The following SLC10A7 variants were observed in gnomAD, a reference collection of about 807,000 sequenced individuals.
The protein encoded by SLC10A7 is solute carrier family 10 member 7.
Under a neutral mutation model 43.2 loss-of-function variants are expected in SLC10A7, and 29 were observed. The ratio of observed to expected loss-of-function variants is 0.67; its 90% CI spans 0.50 to 0.92. SLC10A7 has a LOEUF of 0.92. SLC10A7 is among the 40% of genes least tolerant of loss of function. The probability of loss-of-function intolerance (pLI) is 0.00; values close to 1 mark genes in which losing one functional copy is unlikely to be tolerated. For synonymous variants in SLC10A7, 152 were observed against 144.8 expected (o/e 1.05, Z -0.35); for missense variants, 295 against 403.2 (o/e 0.73, Z 2.30).
chr4:146,379,049 G>A (rs1393153102), intron 5 of SLC10A7, among the ~76,000 whole-genome samples: 1 of 152,144 alleles, frequency 6.6e-6, no homozygotes, highest in East Asian at 1.9e-4. Flanking sequence ...CAATTAAAAG[G>A]CTTTGACCCA....
At chr4:146,305,735 A>G (rs537167620) in intron 7 of SLC10A7, among the ~76,000 whole-genome samples, 191 bp downstream of exon 7, 96 of 152,224 alleles carry the variant, frequency 6.3e-4, no homozygotes, top group African/African-American at 2.3e-3. Context: ...AGCTAACTGC[A>G]AAGCAGATTA....
intron 4 of SLC10A7, among the ~76,000 whole-genome samples, chr4:146,456,482 C>G (rs1475440130): frequency 1.3e-5 from 2 of 151,974 alleles, no homozygotes; most frequent in South Asian, 2.1e-4. Context: ...GCTATCCACA[C>G]TTTTGACCAA....
intron 7 of SLC10A7, among the ~76,000 whole-genome samples, chr4:146,305,161 A>G (rs1344668892): frequency 1.2e-4 from 18 of 150,580 alleles, no homozygotes; most frequent in Admixed American, 7.3e-4. Context: ...AATAGCAAAG[A>G]CTTGGAACCA....
intron 5 of SLC10A7, among the ~76,000 whole-genome samples, chr4:146,341,773 T>C (rs1470880868): frequency 5.9e-5 from 9 of 151,854 alleles, no homozygotes. Context: ...ATGAGATGGA[T>C]GCTAACCTTA....
chr4:146,388,630 G>A (rs1055042807), intron 5 of SLC10A7, among the ~76,000 whole-genome samples: 1 of 151,818 alleles, frequency 6.6e-6, no homozygotes, highest in Admixed American at 6.6e-5. Context: ...GTGGTGGTGC[G>A]CGCCTGTAGT....
chr4:146,300,903 T>C (rs1006605819), intron 7 of SLC10A7, among the ~76,000 whole-genome samples: 9 of 152,190 alleles, frequency 5.9e-5, no homozygotes, highest in African/African-American at 1.9e-4. Context: ...GGAAAATTAC[T>C]GCTGGGCGCT....
chr4:146,300,018 C>T (rs1175417708), intron 7 of SLC10A7, among the ~76,000 whole-genome samples: 1 of 152,016 alleles, frequency 6.6e-6, no homozygotes, highest in Non-Finnish European at 1.5e-5. Flanking sequence ...AGGGTTGGGG[C>T]TTTTTGAGCA....
intron 5 of SLC10A7, among the ~76,000 whole-genome samples, chr4:146,391,807 C>T (rs188116824): frequency 3.3e-5 from 5 of 152,166 alleles, no homozygotes. Flanking sequence ...AATTCATTCT[C>T]CCTCTATCTT....
At position 146,436,388 on chromosome 4, in the gene SLC10A7, T is replaced by C. The variant is rs116278816; in HGVS notation, c.435+6395A>G. ...TTCTTGATTGGAGCATTATACCATATTTTTAACTCTGCAAATATGTTTGTC... is the reference window on the plus strand; with the variant it reads ...TTCTTGATTGGAGCATTATACCATACTTTTAACTCTGCAAATATGTTTGTC... On this transcript the variant is annotated intron_variant, in intron 5 of 11. Transcript: ENST00000335472. 6.9e-3 allele frequency among the ~76,000 whole-genome samples: 1,044 copies of C among 152,254 alleles called. 10 individuals carry two copies. The highest frequency in any genetic ancestry group is 0.024 in the African/African-American group (997 of 41,560).
chr4:146,379,200 A>T (rs1207437616), intron 5 of SLC10A7, among the ~76,000 whole-genome samples: 1 of 152,204 alleles, frequency 6.6e-6, no homozygotes, highest in Non-Finnish European at 1.5e-5. Context: ...ATTTAGACAT[A>T]TGCTGGTCCA....
intron 10 of SLC10A7, among the ~76,000 whole-genome samples, chr4:146,266,343 T>C (rs1480043298): frequency 6.6e-6 from 1 of 152,050 alleles, no homozygotes; most frequent in Admixed American, 6.6e-5. Flanking sequence ...AAATTGCTAT[T>C]GAGGAACACA....
At chr4:146,372,094 TC>T (rs1195079029) in intron 5 of SLC10A7, among the ~76,000 whole-genome samples, 3 of 152,154 alleles carry the variant, frequency 2.0e-5, no homozygotes, top group East Asian at 1.9e-4. Flanking sequence ...AATCAGGACT[TC>T]CTGGGCCTAA....
chr4:146,421,868 T>C (rs544070763), intron 5 of SLC10A7, among the ~76,000 whole-genome samples: 50 of 152,342 alleles, frequency 3.3e-4, no homozygotes, highest in African/African-American at 1.2e-3. Flanking sequence ...CAGCATCCTT[T>C]CCTGATCACT....
chr4:146,512,461 A>C (rs190255614), intron 2 of SLC10A7, among the ~76,000 whole-genome samples: 3 of 152,372 alleles, frequency 2.0e-5, no homozygotes, highest in African/African-American at 7.2e-5. Flanking sequence ...AGTGTTATCT[A>C]TTCGAGCAAA....
intron 4 of SLC10A7, among the ~76,000 whole-genome samples, chr4:146,481,573 G>C (rs1242525642): frequency 1.3e-5 from 2 of 152,184 alleles, no homozygotes; most frequent in East Asian, 3.9e-4. Flanking sequence ...CTGAGCCTCT[G>C]GAGCACCCCT....
intron 5 of SLC10A7, among the ~76,000 whole-genome samples, chr4:146,351,700 T>C (rs1315393227): frequency 6.6e-6 from 1 of 150,958 alleles, no homozygotes; most frequent in Non-Finnish European, 1.5e-5. Flanking sequence ...GCAGAAACCC[T>C]ACAAGCCAGA....
intron 4 of SLC10A7, among the ~76,000 whole-genome samples, chr4:146,474,730 C>T (rs1243200796): frequency 6.6e-6 from 1 of 151,444 alleles, no homozygotes; most frequent in Non-Finnish European, 1.5e-5. Flanking sequence ...ATAAAATTTA[C>T]AAAAGTAAAG....
At chr4:146,467,090 T>C (rs1198642366) in intron 4 of SLC10A7, among the ~76,000 whole-genome samples, 1 of 152,144 alleles carries the variant, frequency 6.6e-6, no homozygotes, top group Non-Finnish European at 1.5e-5. Flanking sequence ...AAAGCCGGAA[T>C]TACTTGGCAT....
At position 146,491,187 on chromosome 4, in the gene SLC10A7, G is replaced by A. The variant is rs574831500; in HGVS notation, c.396+12662C>T. On this transcript the variant is annotated intron_variant, in intron 4 of 11. Transcript: ENST00000335472. ...TTCAACTACTAGATACGGGGGATGA[G>A]GAGGTCCTTACTGTAGGTGCTGACA... 1.5e-3 allele frequency among the ~76,000 whole-genome samples: 223 copies of A among 152,226 alleles called. 3 individuals are homozygous for A. The highest frequency in any genetic ancestry group is 2.8e-3 in the Non-Finnish European group (191 of 68,016).
Sources: gnomAD v4.1 joint callset for allele counts (sites outside exome capture counted in the v4.1 genomes callset) on GRCh38, gnomAD v4.1.1 for gene constraint, MANE v1.5 for transcripts, NCBI Gene and HGNC (gene_info 2026-07-23, HGNC 2026-07-21) for gene names.